GRIN2B: variants seen among roughly 807,000 people sequenced by gnomAD.
GRIN2B encodes glutamate ionotropic receptor NMDA type subunit 2B.
In GRIN2B, 5 loss-of-function variants were observed where a neutral mutation model predicts 114.5. The observed-to-expected ratio is 0.04, with a 90% CI of 0.02 to 0.09. GRIN2B has a LOEUF of 0.09. GRIN2B is among the 10% of genes least tolerant of loss of function. The pLI, the probability that GRIN2B is intolerant of heterozygous loss-of-function variation, is 1.00. For synonymous variants in GRIN2B, 787 were observed against 745.1 expected (o/e 1.06, Z -0.92); for missense variants, 1,108 against 1,943.5 (o/e 0.57, Z 8.08).
chr12:13,863,302 C>T (rs1275271330), intron 3 of GRIN2B, among the ~76,000 whole-genome samples: 1 of 152,174 alleles, frequency 6.6e-6, no homozygotes, highest in South Asian at 2.1e-4. Flanking sequence ...CCAGTATTGC[C>T]TGATTATAAA....
intron 2 of GRIN2B, among the ~76,000 whole-genome samples, chr12:13,933,293 A>G (rs1052935692): frequency 6.6e-6 from 1 of 152,204 alleles, no homozygotes; most frequent in Non-Finnish European, 1.5e-5. Context: ...AAACACAGGT[A>G]GGACCCAAAA....
intron 3 of GRIN2B, among the ~76,000 whole-genome samples, chr12:13,858,390 C>T (rs371128210): frequency 7.2e-5 from 11 of 152,276 alleles, no homozygotes; most frequent in African/African-American, 2.4e-4. Flanking sequence ...TAATGTTACT[C>T]TCCTGCATGC....
chr12:13,955,430 C>T (rs1198834805), intron 2 of GRIN2B, among the ~76,000 whole-genome samples: 1 of 152,186 alleles, frequency 6.6e-6, no homozygotes, highest in Non-Finnish European at 1.5e-5. Flanking sequence ...CACCACACGT[C>T]TGCAGCAGAC....
chr12:13,681,136 C>G (rs1950128167), intron 4 of GRIN2B, among the ~76,000 whole-genome samples: 1 of 152,132 alleles, frequency 6.6e-6, no homozygotes, highest in South Asian at 2.1e-4. Context: ...CAGAATTTTC[C>G]CAGCCAACCA....
chr12:13,837,526 G>A (rs1421642759), intron 3 of GRIN2B, among the ~76,000 whole-genome samples: 1 of 152,166 alleles, frequency 6.6e-6, no homozygotes, highest in Non-Finnish European at 1.5e-5. Flanking sequence ...GTGAGGTAAG[G>A]CATTTCCTTC....
At chr12:13,604,327 T>C (rs1949207820) in intron 10 of GRIN2B, among the ~76,000 whole-genome samples, 1 of 152,206 alleles carries the variant, frequency 6.6e-6, no homozygotes. Flanking sequence ...TAGGTTTTCA[T>C]GGAAATTTAA....
At position 13,906,543 on chromosome 12, in the gene GRIN2B, C is replaced by T. The variant is rs1866537159; in HGVS notation, c.-18-40317G>A. Among the ~76,000 whole-genome samples, 5 of 152,220 alleles carry T rather than the reference C, an allele frequency of 3.3e-5. No homozygotes were observed. The South Asian group carries it at 1.0e-3, about 32-fold the overall frequency. On this transcript the variant is annotated intron_variant, in intron 2 of 13. Transcript: ENST00000609686. Reference sequence around the variant, plus strand: ...GAAAATGTGTGGTTTTCACACATTTCATGTAGGTAGTGTATGTCTCCTTAT... The same window carrying T: ...GAAAATGTGTGGTTTTCACACATTTTATGTAGGTAGTGTATGTCTCCTTAT...
chr12:13,722,644 G>A (rs1253104022), intron 4 of GRIN2B, among the ~76,000 whole-genome samples: 1 of 152,066 alleles, frequency 6.6e-6, no homozygotes, highest in Non-Finnish European at 1.5e-5. Flanking sequence ...ATATGTAATA[G>A]GCTCAGAGTG....
In GRIN2B at chr12:13,538,846, A is replaced by G. The variant is rs1381790315; in HGVS notation, c.*23937T>C. 2 of 151,716 alleles carry G rather than the reference A, an allele frequency of 1.3e-5. No individual in the cohort carries two copies. The highest frequency in any genetic ancestry group is 4.8e-5 in the African/African-American group (2 of 41,282). The allele number at this position is 151,716 out of a possible 1,614,324, so 9.4% of individuals were successfully genotyped here. On this transcript the variant is annotated 3_prime_UTR_variant, in exon 14 of 14. Coordinates refer to ENST00000609686, the MANE Select transcript of GRIN2B (RefSeq NM_000834.5). ...AACAAACAAAAAAAAAACAAACAAA[A>G]AAACAAAAACAACAGAAAAATCAGA...
chr12:13,714,774 T>C (rs914871170), intron 4 of GRIN2B, among the ~76,000 whole-genome samples: 3 of 151,954 alleles, frequency 2.0e-5, no homozygotes, highest in Non-Finnish European at 4.4e-5. Flanking sequence ...GGGGTACATA[T>C]GCAGTTTTGA....
At chr12:13,578,106 G>C (rs576277584) in intron 10 of GRIN2B, among the ~76,000 whole-genome samples, 9 of 152,288 alleles carry the variant, frequency 5.9e-5, no homozygotes, top group African/African-American at 1.9e-4. Flanking sequence ...CTTTTGTAGA[G>C]ATAAGGTATC....
chr12:13,886,772 A>G (rs114559139), intron 2 of GRIN2B, among the ~76,000 whole-genome samples: 1,899 of 152,270 alleles, frequency 0.012, 45 homozygotes, highest in African/African-American at 0.043. Flanking sequence ...CGGGGGTATC[A>G]GTGTTTCTTA....
chr12:13,725,664 A>T (rs544379467), intron 4 of GRIN2B, among the ~76,000 whole-genome samples: 95 of 152,290 alleles, frequency 6.2e-4, no homozygotes, highest in African/African-American at 2.2e-3. Flanking sequence ...ATGGAAAAGC[A>T]TCACAAAACT....
intron 5 of GRIN2B, among the ~76,000 whole-genome samples, chr12:13,624,838 A>C (rs372071536): frequency 2.6e-5 from 4 of 152,182 alleles, no homozygotes; most frequent in African/African-American, 7.2e-5. Flanking sequence ...GTGTGTACCC[A>C]TTGTTGCTGC....
At chr12:13,951,508 G>A (rs12821108) in intron 2 of GRIN2B, among the ~76,000 whole-genome samples, 44,965 of 152,108 alleles carry the variant, frequency 0.3, 7,399 homozygotes, top group Middle Eastern at 0.39. Context: ...CAAGTCAAAT[G>A]ATCCAGTCTG....
chr12:13,783,992 G>A (rs142597769), intron 3 of GRIN2B, among the ~76,000 whole-genome samples: 1,718 of 152,206 alleles, frequency 0.011, 30 homozygotes, highest in African/African-American at 0.038. Context: ...GGGAGGCCAA[G>A]GCGGGTGGAT....
At chr12:13,644,983 C>T (rs1949749451) in intron 5 of GRIN2B, among the ~76,000 whole-genome samples, 1 of 152,092 alleles carries the variant, frequency 6.6e-6, no homozygotes, top group African/African-American at 2.4e-5. Context: ...AATCAGGCTG[C>T]TTTGCTTTCT....
chr12:13,865,682 G>A (rs1360337614), intron 3 of GRIN2B, 116 bp downstream of exon 3: 3 of 881,090 alleles, frequency 3.4e-6, no homozygotes, highest in Non-Finnish European at 5.7e-6. Context: ...TATCCACGCT[G>A]TCAATGCAAT....
chr12:13,861,777 A>G (rs1865756720), intron 3 of GRIN2B, among the ~76,000 whole-genome samples: 1 of 152,082 alleles, frequency 6.6e-6, no homozygotes, highest in African/African-American at 2.4e-5. Flanking sequence ...GTGGTCTCCA[A>G]TTTAGAGTTT....
Sources: gnomAD v4.1 joint callset for allele counts (sites outside exome capture counted in the v4.1 genomes callset) on GRCh38, gnomAD v4.1.1 for gene constraint, MANE v1.5 for transcripts, NCBI Gene and HGNC (gene_info 2026-07-23, HGNC 2026-07-21) for gene names.